Variants in LPA observed in about 807,000 individuals in gnomAD.
LPA encodes apolipoprotein(a).
Under a neutral mutation model 197.9 loss-of-function variants are expected in LPA, and 199 were observed. That is an observed-to-expected ratio of 1.01 (90% CI 0.90 to 1.13). The LOEUF (loss-of-function observed/expected upper bound fraction) is 1.13. Ranked by LOEUF, LPA falls within the 50% of genes most tolerant of loss-of-function variation. The pLI is 0.00. For synonymous variants in LPA, 715 were observed against 639.5 expected (o/e 1.12, Z -1.78); for missense variants, 1,853 against 1,785.8 (o/e 1.04, Z -0.68).
At position 160,545,442 on chromosome 6, in the gene LPA, C is replaced by T. The variant is rs370249070; in HGVS notation, c.5396G>A (p.Cys1799Tyr). The T allele has an allele frequency of 1.9e-6, 3 of 1,594,756 alleles. No individual in the cohort carries two copies. In the South Asian group the frequency reaches 3.3e-5, roughly 18 times the overall value. Reference sequence around the variant, plus strand: ...TACCAAAACAGAAGGCAACTTACCACAGAGAGGGATATCACAGTAGTCAAA... The same window carrying T: ...TACCAAAACAGAAGGCAACTTACCATAGAGAGGGATATCACAGTAGTCAAA... ...KLFDYCDIPL[C>Y]ASSSFDCGKP... Residue 1799 changes from cysteine (C) to tyrosine (Y), a missense_variant and splice_region_variant, in exon 33 of 39, where the codon TGT becomes TAT. Physicochemically the swap from Cys to Tyr is radical, Grantham distance 194. Coordinates refer to ENST00000316300, the MANE Select transcript of LPA (RefSeq NM_005577.4).
At chr6:160,578,863 T>G (rs1778737172) in intron 26 of LPA, among the ~76,000 whole-genome samples, 159 bp from the exon 27 acceptor site, 1 of 152,236 alleles carries the variant, frequency 6.6e-6, no homozygotes. Context: ...GGTCTTCAGC[T>G]TCAACTTTTA....
intron 28 of LPA, among the ~76,000 whole-genome samples, chr6:160,575,176 C>A (rs188895078): frequency 1.7e-4 from 26 of 152,184 alleles, no homozygotes; most frequent in Admixed American, 1.5e-3. Context: ...GATTAGTTTT[C>A]TTGAATCTGT....
At chr6:160,606,715 C>A (rs1582881577) in intron 16 of LPA, 57 bp from the exon 17 acceptor site, 3 of 1,590,154 alleles carry the variant, frequency 1.9e-6, no homozygotes, top group Non-Finnish European at 2.6e-6. Context: ...CAGGGGCACC[C>A]CACACCCTCT....
intron 30 of LPA, among the ~76,000 whole-genome samples, chr6:160,550,031 G>A (rs1235937082): frequency 2.0e-5 from 3 of 152,182 alleles, no homozygotes; most frequent in Non-Finnish European, 4.4e-5. Flanking sequence ...GACCATCTTG[G>A]CCAACATGGC....
At position 160,611,668 on chromosome 6, in the gene LPA, T is replaced by A. The variant is rs1779525998; in HGVS notation, c.2497A>T (p.Ser833Cys). The A allele has an allele frequency of 1.3e-6, 2 of 1,558,808 alleles. No individual in the cohort carries two copies. Among genetic ancestry groups the A allele is most frequent in the East Asian group, 4.5e-5 (2 of 44,170 alleles). ...VQECYHGNGQ[S>C]YRGTYSTTVT... The stretch of plus-strand genomic sequence containing the variant: ...GTGGTGGAGTATGTGCCTCGATAAC[T>A]CTGTCCATTACCGTGGTAGCACTCC... Residue 833 changes from serine (S) to cysteine (C), a missense_variant, in exon 16 of 39, where the codon AGT becomes TGT. Physicochemically the swap from Ser to Cys is moderately radical, Grantham distance 112. Transcript: ENST00000316300.
At position 160,595,527 on chromosome 6, in the gene LPA, G is replaced by C. The variant is rs62621433; in HGVS notation, c.3296C>G (p.Thr1099Ser). The part of the protein sequence containing the change: ...TPENYPNAGL[T>S]RNYCRNPDAE... Reference sequence around the variant, plus strand: ...ATCTGGATTCCTGCAGTAGTTCCTGGTCAGGCCACTGCAAATTTCAAAACA... The same window carrying C: ...ATCTGGATTCCTGCAGTAGTTCCTGCTCAGGCCACTGCAAATTTCAAAACA... The change falls in exon 21 of 39, where the codon ACC becomes AGC. Residue 1099 changes from threonine (T) to serine (S), a missense_variant. This residue lies in a region of LPA where 1,737 missense variants were observed against 1,504.4 expected (regional missense o/e 1.15). Transcript: ENST00000316300. 2,832 of 1,613,926 alleles carry C rather than the reference G, an allele frequency of 1.8e-3. 40 individuals carry two copies. In the African/African-American group the frequency reaches 0.033, roughly 19 times the overall value.
At position 160,578,584 on chromosome 6, in the gene LPA, C is replaced by G. The variant is rs369583851; in HGVS notation, c.4410G>C (p.Ser1470=). ...CCACTGTGGGAGTTGTGAGGACACT[C>G]GATTCTGTCACTGGACATCGTGTCA... ...CNLTRCPVTE[S]SVLTTPTVAP... Residue 1470 remains serine, a synonymous_variant, in exon 27 of 39, where the codon TCG becomes TCC. Coordinates refer to ENST00000316300, the MANE Select transcript of LPA (RefSeq NM_005577.4). The G allele has an allele frequency of 3.1e-6, 5 of 1,613,892 alleles. No homozygotes were observed. The highest frequency in any genetic ancestry group is 4.2e-6 in the Non-Finnish European group (5 of 1,179,914).
intron 2 of LPA, 34 bp downstream of exon 2, chr6:160,650,304 C>T: frequency 6.2e-7 from 1 of 1,610,306 alleles, no homozygotes. Flanking sequence ...TTTACTTGGA[C>T]CTTGTTTTGC....
chr6:160,597,284 A>C (rs1381991032), intron 20 of LPA, among the ~76,000 whole-genome samples: 2 of 152,242 alleles, frequency 1.3e-5, no homozygotes, highest in African/African-American at 4.8e-5. Context: ...GGAAATCTCT[A>C]ACTCAGAGTG....
intron 28 of LPA, among the ~76,000 whole-genome samples, chr6:160,576,397 T>TATATACACAC (rs1778675807): frequency 4.0e-5 from 2 of 49,442 alleles, no homozygotes; most frequent in African/African-American, 2.4e-4. Flanking sequence ...TATGTATATA[T>TATATACACAC]ATATATATAT....
intron 26 of LPA, among the ~76,000 whole-genome samples, chr6:160,584,588 T>C (rs1778871775): frequency 6.6e-6 from 1 of 152,086 alleles, no homozygotes; most frequent in Admixed American, 6.6e-5. Context: ...CGTCTTGTCC[T>C]CCCAAAGTGT....
At chr6:160,557,070 A>C (rs1420396381) in intron 29 of LPA, among the ~76,000 whole-genome samples, 3 of 152,288 alleles carry the variant, frequency 2.0e-5, no homozygotes, top group Admixed American at 2.0e-4. Flanking sequence ...AAATGCCTGG[A>C]AACACTCACT....
Position 160,532,619 on chromosome 6 carries a change from G to A in LPA, c.5873C>T (p.Ala1958Val). ...GTFGTGLLKE[A>V]QLLVIENEVC... ...TTCATTCTCAATAACAAGGAGCTGG[G>A]CTTCCTTGAGAAGGCCAGTCCCAAA... is the stretch of plus-strand genomic sequence containing the variant. The change falls in exon 38 of 39, where the codon GCC (alanine) becomes GTC (valine). Residue 1958 changes from alanine (A) to valine (V), a missense_variant. Ala to Val is a moderately conservative substitution (Grantham distance 64). Transcript: ENST00000316300. 6.2e-7 allele frequency: 1 copy of A among 1,611,758 alleles called. No individual in the cohort carries two copies. The highest frequency in any genetic ancestry group is 8.5e-7 in the Non-Finnish European group (1 of 1,178,088).
intron 23 of LPA, 30 bp downstream of exon 23, chr6:160,590,914 G>A (rs1238503404): frequency 6.2e-7 from 1 of 1,613,700 alleles, no homozygotes; most frequent in Non-Finnish European, 8.5e-7. Context: ...AACGTCCAAG[G>A]GTGTGGTTGT....
chr6:160,575,214 G>C (rs1218593390), intron 28 of LPA, among the ~76,000 whole-genome samples: 1 of 151,998 alleles, frequency 6.6e-6, no homozygotes, highest in Non-Finnish European at 1.5e-5. Flanking sequence ...TATTTGGAAA[G>C]TTTTCAGCCA....
chr6:160,593,851 C>T, intron 22 of LPA, 107 bp downstream of exon 22: 1 of 1,384,226 alleles, frequency 7.2e-7, no homozygotes. Flanking sequence ...ACCCAACATT[C>T]CAGATCTGAG....
chr6:160,580,512 T>G (rs1002379483), intron 26 of LPA, among the ~76,000 whole-genome samples: 1 of 152,198 alleles, frequency 6.6e-6, no homozygotes, highest in African/African-American at 2.4e-5. Flanking sequence ...TGTTGTATGA[T>G]TTTGAACTTC....
intron 28 of LPA, among the ~76,000 whole-genome samples, chr6:160,567,268 A>T (rs1778474235): frequency 6.6e-6 from 1 of 152,220 alleles, no homozygotes; most frequent in Admixed American, 6.5e-5. Flanking sequence ...AGCAAATGTA[A>T]AAGAACAGAA....
Position 160,573,979 on chromosome 6 carries a change from T to A in LPA, c.4631+3157A>T, listed in dbSNP as rs182413359. The stretch of plus-strand genomic sequence containing the variant: ...AACTCCAAAGATTATATGCTCTTTG[T>A]CTTCTGCTACCAGGGTGGGTAGGGA... On this transcript the variant is annotated intron_variant, in intron 28 of 38. Coordinates refer to ENST00000316300, the MANE Select transcript of LPA (RefSeq NM_005577.4). 3.7e-3 allele frequency among the ~76,000 whole-genome samples: 565 copies of A among 152,188 alleles called. 2 individuals carry two copies. The highest frequency in any genetic ancestry group is 3.6e-3 in the Non-Finnish European group (242 of 67,996).
Sources: allele counts gnomAD v4.1 joint callset (sites outside exome capture counted in the v4.1 genomes callset), GRCh38; gene constraint gnomAD v4.1.1; regional missense constraint gnomAD v4.1.1; transcripts MANE v1.5; gene names NCBI Gene and HGNC (gene_info 2026-07-23, HGNC 2026-07-21).